The following NTRK3 variants were observed in gnomAD, a reference collection of about 807,000 sequenced individuals.
The protein encoded by NTRK3 is neurotrophic receptor tyrosine kinase 3.
Under a neutral mutation model 91.7 loss-of-function variants are expected in NTRK3, and 24 were observed. The ratio of observed to expected loss-of-function variants is 0.26; its 90% CI spans 0.19 to 0.37. NTRK3 has a LOEUF of 0.37. Among genes scored for constraint, NTRK3 ranks in the 10% least tolerant of loss-of-function variants. The pLI is 1.00. For synonymous variants in NTRK3, 483 were observed against 404.0 expected, an observed-to-expected ratio of 1.20 and a Z score of -2.34; for missense variants, 880 against 1,068.9, an observed-to-expected ratio of 0.82 and a Z score of 2.46.
At chr15:88,013,683 GA>G (rs1237952987) in intron 14 of NTRK3, among the ~76,000 whole-genome samples, 2 of 152,314 alleles carry the variant, frequency 1.3e-5, no homozygotes, top group South Asian at 4.1e-4. Flanking sequence ...CAACATTTCA[GA>G]TCATGTACAA....
At chr15:88,078,598 C>T (rs1253057823) in intron 13 of NTRK3, among the ~76,000 whole-genome samples, 2 of 152,164 alleles carry the variant, frequency 1.3e-5, no homozygotes, top group Non-Finnish European at 2.9e-5. Flanking sequence ...TGCAGTGAGC[C>T]AAGATCGCAC....
intron 17 of NTRK3, chr15:87,916,510 G>A (rs950020557): frequency 1.4e-6 from 1 of 702,074 alleles, no homozygotes; most frequent in Admixed American, 2.0e-5. Context: ...TTTCTTATGG[G>A]GCATCTTCCC....
chr15:88,193,653 T>A (rs2047587027), intron 3 of NTRK3, among the ~76,000 whole-genome samples: 1 of 152,168 alleles, frequency 6.6e-6, no homozygotes, highest in South Asian at 2.1e-4. Flanking sequence ...GGGATCAATG[T>A]CAGACCTTAA....
At chr15:87,865,229 G>C (rs1596029738) in exon 19 of NTRK3, 1 of 206,870 alleles carries the variant, frequency 4.8e-6, no homozygotes, top group East Asian at 7.3e-5. Flanking sequence ...CACTGCAAGT[G>C]ATTGTTGCTT....
At chr15:88,197,094 C>CAAAAAAAAAAA (rs59553739) in intron 3 of NTRK3, among the ~76,000 whole-genome samples, 4 of 56,512 alleles carry the variant, frequency 7.1e-5, no homozygotes, top group South Asian at 1.3e-3. Flanking sequence ...TTGAGCAGGA[C>CAAAAAAAAAAA]AAAAAAAAAA....
At chr15:87,951,995 C>T (rs1344356651) in intron 14 of NTRK3, among the ~76,000 whole-genome samples, 1 of 152,080 alleles carries the variant, frequency 6.6e-6, no homozygotes, top group African/African-American at 2.4e-5. Flanking sequence ...GGCGTGATGG[C>T]ACGCACCTGT....
At chr15:88,033,756 T>G (rs1405220828) in intron 13 of NTRK3, among the ~76,000 whole-genome samples, 1 of 152,200 alleles carries the variant, frequency 6.6e-6, no homozygotes, top group East Asian at 1.9e-4. Flanking sequence ...AAGGTAAATT[T>G]AAATGACCCT....
intron 13 of NTRK3, among the ~76,000 whole-genome samples, chr15:88,085,543 C>T (rs1461211): frequency 0.076 from 11,528 of 152,226 alleles, 653 homozygotes; most frequent in African/African-American, 0.15. Flanking sequence ...CCAAACTCAG[C>T]CAAGCACATC....
chr15:88,159,724 T>C (rs1239231978), intron 5 of NTRK3, among the ~76,000 whole-genome samples: 1 of 152,054 alleles, frequency 6.6e-6, no homozygotes, highest in Non-Finnish European at 1.5e-5. Context: ...TGGGAACAAA[T>C]GCCATTGTTA....
At chr15:88,029,575 A>T (rs1288621949) in intron 14 of NTRK3, among the ~76,000 whole-genome samples, 1 of 152,128 alleles carries the variant, frequency 6.6e-6, no homozygotes, top group Non-Finnish European at 1.5e-5. Context: ...ATGCAATTCC[A>T]CCCCACATTA....
chr15:87,979,432 G>C (rs959237748), intron 14 of NTRK3: 9 of 1,612,980 alleles, frequency 5.6e-6, no homozygotes, highest in African/African-American at 4.0e-5. Context: ...GTCCGGGAAG[G>C]CTTATTGGAT....
At chr15:87,893,749 C>T (rs537770183) in intron 17 of NTRK3, among the ~76,000 whole-genome samples, 10 of 152,262 alleles carry the variant, frequency 6.6e-5, no homozygotes, top group African/African-American at 1.4e-4. Flanking sequence ...CACACAACTC[C>T]GATGAGGCAT....
chr15:87,955,860 A>G (rs2071602423), intron 14 of NTRK3, among the ~76,000 whole-genome samples: 2 of 152,154 alleles, frequency 1.3e-5, no homozygotes, highest in Admixed American at 1.3e-4. Flanking sequence ...TTCATATTCA[A>G]CAAATATGCA....
At chr15:87,870,920 T>C (rs536458785) in exon 19 of NTRK3, 2 of 229,402 alleles carry the variant, frequency 8.7e-6, no homozygotes, top group East Asian at 1.2e-4. Flanking sequence ...AAAAGCAATA[T>C]TTGCCTGGGT....
At chr15:87,980,411 GTGTT>G (rs761534206) in intron 14 of NTRK3, among the ~76,000 whole-genome samples, 28 of 152,226 alleles carry the variant, frequency 1.8e-4, no homozygotes, top group East Asian at 9.6e-4. Context: ...GTGTATTTGT[GTGTT>G]TGTGTGCATC....
At chr15:88,104,759 A>C (rs1313127247) in intron 13 of NTRK3, among the ~76,000 whole-genome samples, 1 of 152,216 alleles carries the variant, frequency 6.6e-6, no homozygotes, top group Non-Finnish European at 1.5e-5. Context: ...AGTGAGGAGA[A>C]GGCATTCCTA....
intron 17 of NTRK3, chr15:87,885,717 T>A: frequency 7.2e-7 from 1 of 1,385,152 alleles, no homozygotes; most frequent in Non-Finnish European, 9.6e-7. Context: ...CAAAAATCAT[T>A]TCCAGATGGA....
chr15:87,876,896 G>A (rs746867735), exon 19 of NTRK3: 3 of 1,607,264 alleles, frequency 1.9e-6, no homozygotes, highest in South Asian at 2.2e-5. Flanking sequence ...CAGGGAGAGA[G>A]GAGGCAACAG....
At chr15:88,029,400 T>C (rs902828103) in intron 14 of NTRK3, among the ~76,000 whole-genome samples, 7 of 152,148 alleles carry the variant, frequency 4.6e-5, no homozygotes, top group African/African-American at 1.7e-4. Flanking sequence ...TGAAAGCAGA[T>C]AGAAAGTGAG....
Sources: gnomAD v4.1 joint callset for allele counts (sites outside exome capture counted in the v4.1 genomes callset) on GRCh38, gnomAD v4.1.1 for gene constraint, MANE v1.5 for transcripts, NCBI Gene and HGNC (gene_info 2026-07-23, HGNC 2026-07-21) for gene names.